FSTL5: variants seen among roughly 807,000 people sequenced by gnomAD.
FSTL5 encodes follistatin-related protein 5.
Under a neutral mutation model 89.1 loss-of-function variants are expected in FSTL5, and 62 were observed. That is an observed-to-expected ratio of 0.70 (90% confidence interval 0.57 to 0.86). The LOEUF is 0.86. Ranked by LOEUF, FSTL5 falls within the 40% of genes least tolerant of loss-of-function variation. The pLI is 0.00. For synonymous variants in FSTL5, 383 were observed against 346.2 expected, an observed-to-expected ratio of 1.11 and a Z score of -1.18; for missense variants, 1,057 against 1,001.6, an observed-to-expected ratio of 1.06 and a Z score of -0.75.
chr4:161,863,323 A>G (rs1015816913), intron 4 of FSTL5, among the ~76,000 whole-genome samples: 2 of 152,220 alleles, frequency 1.3e-5, no homozygotes, highest in Non-Finnish European at 2.9e-5. Context: ...TACTATATAC[A>G]GTAAAATATT....
chr4:161,568,491 T>A (rs1340098785), intron 8 of FSTL5, among the ~76,000 whole-genome samples: 1 of 152,136 alleles, frequency 6.6e-6, no homozygotes, highest in Admixed American at 6.6e-5. Context: ...TGGCTTTGGG[T>A]CTTAAGCTTT....
At chr4:161,997,918 T>A (rs1171955494) in intron 3 of FSTL5, among the ~76,000 whole-genome samples, 1 of 152,128 alleles carries the variant, frequency 6.6e-6, no homozygotes, top group African/African-American at 2.4e-5. Flanking sequence ...GTGTACATGT[T>A]ATCTATATGA....
intron 1 of FSTL5, among the ~76,000 whole-genome samples, chr4:162,116,394 T>C (rs193002795): frequency 1.3e-5 from 2 of 152,226 alleles, no homozygotes; most frequent in African/African-American, 4.8e-5. Context: ...CGTTAGCATA[T>C]AAAATCTCCA....
chr4:162,066,355 C>CTTCTTCTTCTTCTTCTTCTTCTTGTTCTT (rs1553996329), intron 2 of FSTL5, among the ~76,000 whole-genome samples: 16 of 61,180 alleles, frequency 2.6e-4, no homozygotes, highest in African/African-American at 7.9e-4. Flanking sequence ...TTCTTCTTCT[C>CTTCTTCTTCTTCTTCTTCTTCTTGTTCTT]CTTCTTCTTC....
chr4:161,685,713 C>T (rs77418056), intron 6 of FSTL5, among the ~76,000 whole-genome samples: 2,334 of 152,058 alleles, frequency 0.015, 52 homozygotes, highest in African/African-American at 0.052. Context: ...AAACAAAGAC[C>T]GTTTGACTTC....
At chr4:161,424,192 A>T (rs1461617255) in intron 15 of FSTL5, among the ~76,000 whole-genome samples, 1 of 151,566 alleles carries the variant, frequency 6.6e-6, no homozygotes, top group African/African-American at 2.4e-5. Context: ...CTAGTATTTT[A>T]TATTGCTTAT....
At chr4:161,861,931 ACAT>A (rs1413379697) in intron 4 of FSTL5, among the ~76,000 whole-genome samples, 1 of 152,218 alleles carries the variant, frequency 6.6e-6, no homozygotes, top group Non-Finnish European at 1.5e-5. Flanking sequence ...AAGTAATGTA[ACAT>A]CATTACTCTT....
intron 4 of FSTL5, among the ~76,000 whole-genome samples, chr4:161,833,663 G>T (rs898410638): frequency 4.0e-5 from 6 of 151,814 alleles, no homozygotes; most frequent in African/African-American, 1.5e-4. Context: ...TTTGATCTTT[G>T]TTGGTTTAAA....
At chr4:161,514,714 GAAAC>G (rs1168887984) in intron 10 of FSTL5, among the ~76,000 whole-genome samples, 1 of 151,884 alleles carries the variant, frequency 6.6e-6, no homozygotes, top group African/African-American at 2.4e-5. Context: ...ATTAATCTAA[GAAAC>G]AAATATAAAT....
intron 15 of FSTL5, among the ~76,000 whole-genome samples, chr4:161,448,777 TACTCTTAC>T (rs1174328025): frequency 3.3e-5 from 5 of 152,130 alleles, no homozygotes; most frequent in Non-Finnish European, 7.4e-5. Flanking sequence ...TGGCTCCAAG[TACTCTTAC>T]ACTCTTAGCA....
intron 11 of FSTL5, among the ~76,000 whole-genome samples, chr4:161,504,247 T>C (rs1202439895): frequency 6.6e-6 from 1 of 151,926 alleles, no homozygotes; most frequent in African/African-American, 2.4e-5. Flanking sequence ...TATTAGTAGA[T>C]AGAGATACAC....
intron 4 of FSTL5, among the ~76,000 whole-genome samples, chr4:161,852,158 C>A (rs1324070885): frequency 7.0e-6 from 1 of 142,312 alleles, no homozygotes; most frequent in Non-Finnish European, 1.5e-5. Context: ...TGAATACACT[C>A]TTTCAACATA....
At chr4:161,507,507 G>C (rs10010430) in intron 11 of FSTL5, among the ~76,000 whole-genome samples, 2,572 of 151,838 alleles carry the variant, frequency 0.017, 65 homozygotes, top group African/African-American at 0.058. Flanking sequence ...CTTTAGAGCA[G>C]ATATTAGATC....
At chr4:161,820,619 T>C (rs1460917425) in intron 4 of FSTL5, among the ~76,000 whole-genome samples, 7 of 152,120 alleles carry the variant, frequency 4.6e-5, no homozygotes, top group Non-Finnish European at 1.0e-4. Flanking sequence ...TGCGTGAAAA[T>C]TGAAGGCCTG....
In FSTL5 at chr4:161,396,637, G is replaced by C. The variant is rs189812881; in HGVS notation, c.1842-10188C>G. 1.1e-3 allele frequency among the ~76,000 whole-genome samples: 154 copies of C among 145,636 alleles called. 2 individuals carry two copies. The Middle Eastern group carries it at 0.018, about 17-fold the overall frequency. On this transcript the variant is annotated intron_variant, in intron 15 of 15. Transcript: ENST00000306100. ...CCACTGCACTCCAGCCTGGGTGACA[G>C]AGCAACACTCTGTCTTAAAAAAAAA...
chr4:162,098,136 A>G (rs1730838527), intron 2 of FSTL5, among the ~76,000 whole-genome samples: 1 of 152,054 alleles, frequency 6.6e-6, no homozygotes, highest in African/African-American at 2.4e-5. Flanking sequence ...AACTAGATAT[A>G]TAAAAAGGAA....
At chr4:162,150,115 A>T (rs1229333165) in intron 1 of FSTL5, among the ~76,000 whole-genome samples, 1 of 152,204 alleles carries the variant, frequency 6.6e-6, no homozygotes, top group Non-Finnish European at 1.5e-5. Flanking sequence ...TATTCAAGAG[A>T]TAAGTTATGT....
chr4:161,848,690 G>T (rs1300092643), intron 4 of FSTL5, among the ~76,000 whole-genome samples: 1 of 152,012 alleles, frequency 6.6e-6, no homozygotes, highest in Non-Finnish European at 1.5e-5. Flanking sequence ...ACAATGTGTT[G>T]GTTCAAACTC....
chr4:161,853,613 T>G (rs1210903848), intron 4 of FSTL5, among the ~76,000 whole-genome samples: 1 of 152,076 alleles, frequency 6.6e-6, no homozygotes, highest in East Asian at 1.9e-4. Context: ...AGTTAATCAT[T>G]TATTTGTTGC....
Sources: allele counts gnomAD v4.1 joint callset (sites outside exome capture counted in the v4.1 genomes callset), GRCh38; gene constraint gnomAD v4.1.1; transcripts MANE v1.5; gene names NCBI Gene and HGNC (gene_info 2026-07-23, HGNC 2026-07-21).